The following ENTREP2 variants were observed in gnomAD, a reference collection of about 807,000 sequenced individuals.
ENTREP2 encodes the protein endosomal transmembrane epsin interactor 2.
chr15:29,458,127 C>T, the ENTREP2 span, among the ~76,000 whole-genome samples: 2 of 152,252 alleles, frequency 1.3e-5, no homozygotes, highest in East Asian at 1.9e-4. Flanking sequence ...GCTAGCATGT[C>T]GGTCAGTCTG....
chr15:29,664,513 G>A, the ENTREP2 span, among the ~76,000 whole-genome samples: 3 of 151,262 alleles, frequency 2.0e-5, no homozygotes, highest in South Asian at 2.1e-4. Context: ...GGATGCCGAC[G>A]CTGGGAGACT....
the ENTREP2 span, among the ~76,000 whole-genome samples, chr15:29,455,737 G>C: frequency 3.3e-5 from 5 of 152,208 alleles, no homozygotes. Flanking sequence ...GTGGGCAAGT[G>C]AGCGAAGCTT....
the ENTREP2 span, among the ~76,000 whole-genome samples, chr15:29,568,614 G>T: frequency 6.6e-6 from 1 of 151,588 alleles, no homozygotes; most frequent in African/African-American, 2.4e-5. Flanking sequence ...AGAGGCAGGA[G>T]GATCGCTTCA....
chr15:29,323,297 T>A, the ENTREP2 span, among the ~76,000 whole-genome samples: 1 of 152,030 alleles, frequency 6.6e-6, no homozygotes, highest in Non-Finnish European at 1.5e-5. Flanking sequence ...TGATCACCAA[T>A]AGCCAGTGGT....
chr15:29,186,859 T>A, the ENTREP2 span, among the ~76,000 whole-genome samples: 1 of 152,228 alleles, frequency 6.6e-6, no homozygotes, highest in South Asian at 2.1e-4. Context: ...ATGCAAGTGA[T>A]GCATTGGCCA....
chr15:29,304,374 C>T, the ENTREP2 span, among the ~76,000 whole-genome samples: 8 of 152,214 alleles, frequency 5.3e-5, no homozygotes, highest in South Asian at 2.1e-4. Context: ...TACTCTAAAA[C>T]TGACCACACA....
chr15:29,448,612 CA>C, the ENTREP2 span, among the ~76,000 whole-genome samples: 1 of 152,148 alleles, frequency 6.6e-6, no homozygotes, highest in East Asian at 1.9e-4. Context: ...CAACTGACCA[CA>C]AGGTTTGTTT....
chr15:29,674,558 G>A, the ENTREP2 span, among the ~76,000 whole-genome samples: 1 of 152,122 alleles, frequency 6.6e-6, no homozygotes, highest in Admixed American at 6.5e-5. Context: ...GTGAGCCACC[G>A]CGCCCGGCTT....
At chr15:29,535,392 T>G in the ENTREP2 span, among the ~76,000 whole-genome samples, 1 of 147,178 alleles carries the variant, frequency 6.8e-6, no homozygotes, top group Non-Finnish European at 1.5e-5. Flanking sequence ...GAATAAAAAC[T>G]AAACAGTAAG....
chr15:29,235,115 G>A, the ENTREP2 span: 2 of 1,039,876 alleles, frequency 1.9e-6, no homozygotes, highest in South Asian at 1.3e-5. Context: ...CAACAGATGT[G>A]GGCAGGAGCC....
chr15:29,543,820 A>G, the ENTREP2 span, among the ~76,000 whole-genome samples: 1 of 151,592 alleles, frequency 6.6e-6, no homozygotes, highest in Non-Finnish European at 1.5e-5. Context: ...TCAAACCCAC[A>G]ATCTGACTTT....
chr15:29,271,987 C>T, the ENTREP2 span, among the ~76,000 whole-genome samples: 783 of 152,216 alleles, frequency 5.1e-3, 4 homozygotes, highest in Non-Finnish European at 7.8e-3. Context: ...TATTCATGTA[C>T]GTTACCAAGC....
chr15:29,300,257 T>C, the ENTREP2 span, among the ~76,000 whole-genome samples: 23,004 of 142,846 alleles, frequency 0.16, 3,177 homozygotes, highest in African/African-American at 0.38. Context: ...GATGGATGGA[T>C]GGACGGATGA....
the ENTREP2 span, among the ~76,000 whole-genome samples, chr15:29,338,733 C>T: frequency 6.6e-5 from 10 of 152,114 alleles, no homozygotes; most frequent in Admixed American, 6.5e-4. Context: ...TGAGGAGGGA[C>T]GGGAGTAAAC....
At chr15:29,588,428 A>G in the ENTREP2 span, among the ~76,000 whole-genome samples, 3 of 151,384 alleles carry the variant, frequency 2.0e-5, no homozygotes, top group South Asian at 6.3e-4. Context: ...ATATTGTGCC[A>G]CTGTATTCCA....
the ENTREP2 span, among the ~76,000 whole-genome samples, chr15:29,378,032 T>A: frequency 1.8e-4 from 27 of 151,788 alleles, no homozygotes; most frequent in African/African-American, 5.8e-4. Flanking sequence ...GTAAGTCATG[T>A]GATACCTAAT....
At chr15:29,297,392 C>T in the ENTREP2 span, among the ~76,000 whole-genome samples, 4,211 of 152,230 alleles carry the variant, frequency 0.028, 84 homozygotes, top group South Asian at 0.046. Flanking sequence ...CACCATTTGG[C>T]CACTTCTAGA....
the ENTREP2 span, among the ~76,000 whole-genome samples, chr15:29,228,062 T>G: frequency 6.6e-6 from 1 of 152,150 alleles, no homozygotes; most frequent in Non-Finnish European, 1.5e-5. Flanking sequence ...CCGGGCATGG[T>G]GGCTCACACC....
the ENTREP2 span, chr15:29,570,414 G>T: frequency 1.2e-6 from 1 of 846,608 alleles, no homozygotes; most frequent in Non-Finnish European, 1.5e-6. Context: ...GGAACTTGCC[G>T]CCCGCGGTGG....
Sources: allele counts gnomAD v4.1 joint callset (sites outside exome capture counted in the v4.1 genomes callset), GRCh38; gene constraint gnomAD v4.1.1; transcripts MANE v1.5; gene names NCBI Gene and HGNC (gene_info 2026-07-23, HGNC 2026-07-21).